Variants in HABP4 observed in about 807,000 individuals in gnomAD.
HABP4 encodes hyaluronan binding protein 4.
A neutral mutation model predicts 44.1 loss-of-function variants in HABP4; 32 were observed. The ratio of observed to expected loss-of-function variants is 0.73; its 90% confidence interval spans 0.55 to 0.97. HABP4 has a LOEUF of 0.97. Among genes scored for constraint, HABP4 ranks in the 50% least tolerant of loss-of-function variants. The probability of loss-of-function intolerance (pLI) is 0.00; values close to 1 mark genes in which losing one functional copy is unlikely to be tolerated. For synonymous variants in HABP4, 216 were observed against 218.0 expected (o/e 0.99, Z 0.08); for missense variants, 503 against 561.9 (o/e 0.90, Z 1.06).
At chr9:96,458,570 G>A (rs2131119999) in intron 2 of HABP4, 29 bp downstream of exon 2, 2 of 1,512,220 alleles carry the variant, frequency 1.3e-6, no homozygotes, top group Non-Finnish European at 9.1e-7. Context: ...AGCAGGGCGG[G>A]TGGGGAACCA....
At chr9:96,472,706 C>T (rs1338259030) in intron 5 of HABP4, among the ~76,000 whole-genome samples, 1 of 152,208 alleles carries the variant, frequency 6.6e-6, no homozygotes, top group African/African-American at 2.4e-5. Flanking sequence ...CATGCTCAGT[C>T]TCTCCTGCGT....
intron 6 of HABP4, among the ~76,000 whole-genome samples, chr9:96,486,959 C>T (rs1243590753): frequency 6.6e-6 from 1 of 151,980 alleles, no homozygotes; most frequent in African/African-American, 2.4e-5. Flanking sequence ...CCAGCGCTTC[C>T]CTGCTGAGTG....
chr9:96,453,186 C>T (rs964368278), intron 1 of HABP4, among the ~76,000 whole-genome samples: 7 of 150,802 alleles, frequency 4.6e-5, no homozygotes, highest in African/African-American at 1.7e-4. Context: ...CCTGCCTCAG[C>T]CTCCTGGGTA....
intron 2 of HABP4, among the ~76,000 whole-genome samples, chr9:96,461,733 T>C (rs1455879275): frequency 1.3e-5 from 2 of 152,122 alleles, no homozygotes; most frequent in Non-Finnish European, 2.9e-5. Flanking sequence ...TCTTTCGAGA[T>C]TATAAAGATT....
chr9:96,450,218 C>G lies in HABP4; in HGVS notation c.-62C>G, dbSNP rs953650743. The G allele has an allele frequency of 3.9e-6, 5 of 1,282,278 alleles. No individual in the cohort carries two copies. The highest frequency in any genetic ancestry group is 4.0e-6 in the Non-Finnish European group (4 of 1,008,620). The allele number at this position is 1,282,278 out of a possible 1,614,324, so 79.4% of individuals were successfully genotyped here. Reference sequence around the variant, plus strand: ...GAGCGGGCGGCATGGGTCCTGGCCGCCGGCTTCGCTGAGACGCGCTCGCGT... The same window carrying G: ...GAGCGGGCGGCATGGGTCCTGGCCGGCGGCTTCGCTGAGACGCGCTCGCGT... On this transcript the variant is annotated 5_prime_UTR_variant, in exon 1 of 8. Coordinates refer to ENST00000375249, the MANE Select transcript of HABP4 (RefSeq NM_014282.4). This position sits in a 1 kb window ranked among gnomAD's most constrained non-coding sequence, Gnocchi z 4.8.
At chr9:96,463,742 T>G (rs2131128228) in intron 2 of HABP4, among the ~76,000 whole-genome samples, 1 of 152,298 alleles carries the variant, frequency 6.6e-6, no homozygotes, top group South Asian at 2.1e-4. Context: ...CTTTATTTTT[T>G]GAGTAAGGAA....
chr9:96,456,670 G>A (rs952697137), intron 1 of HABP4, among the ~76,000 whole-genome samples: 18 of 148,598 alleles, frequency 1.2e-4, no homozygotes, highest in Non-Finnish European at 2.4e-4. Context: ...TGAGGCAGGA[G>A]AATGGCGTGA....
In HABP4 at chr9:96,482,676, G is replaced by A. The variant is rs1832899766; in HGVS notation, c.828-1786G>A. Reference sequence around the variant, plus strand: ...CCCTATCCTCCCTCCCTGCAGCCCTGGCCACCACTGACCTGCCTCCTGTCT... The same window carrying A: ...CCCTATCCTCCCTCCCTGCAGCCCTAGCCACCACTGACCTGCCTCCTGTCT... On this transcript the variant is annotated intron_variant, in intron 5 of 7. Transcript: ENST00000375249. 2.0e-5 allele frequency among the ~76,000 whole-genome samples: 3 copies of A among 152,030 alleles called. No homozygotes were observed. The South Asian group carries it at 6.2e-4, about 32-fold the overall frequency.
chr9:96,481,603 G>T (rs998373440), intron 5 of HABP4, among the ~76,000 whole-genome samples: 1 of 151,842 alleles, frequency 6.6e-6, no homozygotes, highest in African/African-American at 2.4e-5. Flanking sequence ...AAATTAGCTG[G>T]GCCTGATGGC....
Position 96,458,377 on chromosome 9 carries a change from A to G in HABP4, c.350-2A>G. On this transcript the variant is annotated splice_acceptor_variant, in intron 1 of 7. Coordinates refer to ENST00000375249, the MANE Select transcript of HABP4 (RefSeq NM_014282.4). LOFTEE classifies it high-confidence loss of function. ...CTCTCTGCTTTGATTTTCTGTTGGT[A>G]GGCCAGAAGCGGACTCCTAGAAGAG... 1 of 1,613,826 alleles carries G rather than the reference A, an allele frequency of 6.2e-7. No individual in the cohort carries two copies. Among genetic ancestry groups the G allele is most frequent in the Non-Finnish European group, 8.5e-7 (1 of 1,179,738 alleles).
chr9:96,461,571 C>T (rs761698291), intron 2 of HABP4, among the ~76,000 whole-genome samples: 1 of 152,026 alleles, frequency 6.6e-6, no homozygotes, highest in Middle Eastern at 3.4e-3. Flanking sequence ...ATCCCAGCGC[C>T]GTTTATGACA....
intron 2 of HABP4, 85 bp downstream of exon 2, chr9:96,458,626 CTT>C (rs372291268): frequency 0.027 from 16,480 of 616,632 alleles, no homozygotes; most frequent in Middle Eastern, 0.042. Context: ...TTCTTTCTTT[CTT>C]TTTTTTTTTT....
At chr9:96,473,329 C>T (rs778124654) in intron 5 of HABP4, among the ~76,000 whole-genome samples, 8 of 152,160 alleles carry the variant, frequency 5.3e-5, no homozygotes, top group Non-Finnish European at 1.0e-4. Flanking sequence ...CTGTACAAAC[C>T]AGAAACCTAC....
In HABP4 at chr9:96,450,949, C is replaced by T. The variant is rs1379604079; in HGVS notation, c.349+321C>T. Reference sequence around the variant, plus strand: ...GGGCGAACGGCTGAGGTCGCTACCCCGGGGCTCCCACATCCAGACCTGGCG... The same window carrying T: ...GGGCGAACGGCTGAGGTCGCTACCCTGGGGCTCCCACATCCAGACCTGGCG... On this transcript the variant is annotated intron_variant, in intron 1 of 7. Transcript: ENST00000375249. This position sits in a 1 kb window ranked among gnomAD's most constrained non-coding sequence, Gnocchi z 4.8. Among the ~76,000 whole-genome samples, 5 of 152,162 alleles carry T rather than the reference C, an allele frequency of 3.3e-5. No homozygotes were observed. The highest frequency in any genetic ancestry group is 2.0e-4 in the Admixed American group (3 of 15,286).
intron 2 of HABP4, among the ~76,000 whole-genome samples, chr9:96,462,560 T>G (rs1420205097): frequency 3.4e-5 from 5 of 148,974 alleles, no homozygotes; most frequent in African/African-American, 1.2e-4. Context: ...TGCAGTGAGC[T>G]GAGATTGCAC....
chr9:96,475,390 CAAAAAA>C (rs61553823), intron 5 of HABP4, among the ~76,000 whole-genome samples: 1 of 94,158 alleles, frequency 1.1e-5, no homozygotes, highest in Non-Finnish European at 2.2e-5. Flanking sequence ...ACAACAACAA[CAAAAAA>C]AAAAAAAAAA....
rs1832398569 is a variant in HABP4 at position 96,456,783 on chromosome 9, ATATATATATATATATATATATATATATAT to A, written c.350-1595_350-1567del. On this transcript the variant is annotated intron_variant, in intron 1 of 7. Coordinates refer to ENST00000375249, the MANE Select transcript of HABP4 (RefSeq NM_014282.4). Reference sequence around the variant, plus strand: ...TCAAAAAAAAAAAAAAAAAAAAAATATATATATATATATATATATATATATATATATATATATATCCATTAACTTGAATA... The same window carrying A: ...TCAAAAAAAAAAAAAAAAAAAAAATAATATATATATCCATTAACTTGAATA... 3.2e-3 allele frequency among the ~76,000 whole-genome samples: 134 copies of A among 41,852 alleles called. 2 individuals carry two copies. Among genetic ancestry groups the A allele is most frequent in the Admixed American group, 5.5e-3 (15 of 2,714 alleles). The allele number at this position is 41,852 out of a possible 152,430, so 27.5% of individuals were successfully genotyped here.
rs751562256 is a variant in HABP4 at position 96,490,529 on chromosome 9, C to G, written c.*491C>G. ...ACTGTTTACTTGTAAATGTTATCTT[C>G]TCTCCTGGAATATTTTGAGTTCTGG... On this transcript the variant is annotated 3_prime_UTR_variant, in exon 8 of 8. Transcript: ENST00000375249. 4 of 152,608 alleles carry G rather than the reference C, an allele frequency of 2.6e-5. No individual in the cohort carries two copies. Among genetic ancestry groups the G allele is most frequent in the Non-Finnish European group, 4.4e-5 (3 of 68,344 alleles). 9.5% of individuals were successfully genotyped at this position (152,608 alleles called of 1,614,324 possible).
rs775773097 is a variant in HABP4 at position 96,488,215 on chromosome 9, C to G, written c.1126C>G (p.Arg376Gly). 4 of 1,613,560 alleles carry G rather than the reference C, an allele frequency of 2.5e-6. No homozygotes were observed. In the Admixed American group the frequency reaches 5.0e-5, roughly 20 times the overall value. Residue 376 changes from arginine (R) to glycine (G), a missense_variant, in exon 7 of 8, where the codon CGG (arginine) becomes GGG (glycine). Arg to Gly is a moderately radical substitution (Grantham distance 125, BLOSUM62 -2). Transcript: ENST00000375249. This position sits in a 1 kb window ranked among gnomAD's most constrained non-coding sequence, Gnocchi z 4.6. ...TGGGCGTGGAGCCAGAGGAGGCACC[C>G]GGGGAGGCCGGGGAAGGATCAGGAG... ...RPGRGARGGTRGGRGRIRRAE... is the reference protein window; with the variant it reads ...RPGRGARGGTGGGRGRIRRAE...
Sources: allele counts gnomAD v4.1 joint callset (sites outside exome capture counted in the v4.1 genomes callset), GRCh38; gene constraint gnomAD v4.1.1; non-coding constraint Gnocchi (gnomAD v3.1); transcripts MANE v1.5; gene names NCBI Gene and HGNC (gene_info 2026-07-23, HGNC 2026-07-21).